QTMAN: variants seen among roughly 807,000 people sequenced by gnomAD.
QTMAN encodes the protein queuosine-tRNA mannosyltransferase, also known as tRNA-queuosine alpha-mannosyltransferase.
the QTMAN span, among the ~76,000 whole-genome samples, chr2:144,164,620 C>T: frequency 6.6e-6 from 1 of 152,080 alleles, no homozygotes; most frequent in Admixed American, 6.5e-5. Context: ...TACGCAATAA[C>T]CATTTTCCAG....
the QTMAN span, among the ~76,000 whole-genome samples, chr2:144,215,659 T>A: frequency 6.6e-6 from 1 of 152,226 alleles, no homozygotes; most frequent in Admixed American, 6.5e-5. Context: ...TTTCAAACTA[T>A]AAAAGCAGCA....
the QTMAN span, chr2:144,177,339 G>T: frequency 8.4e-6 from 5 of 594,942 alleles, no homozygotes; most frequent in Non-Finnish European, 1.2e-5. Flanking sequence ...AAAAACAATA[G>T]CCAAGTAAAC....
the QTMAN span, among the ~76,000 whole-genome samples, chr2:144,004,111 A>C: frequency 4.6e-3 from 707 of 152,136 alleles, 6 homozygotes; most frequent in African/African-American, 0.016. Flanking sequence ...CCAAGGTGAA[A>C]ATGCAACAGA....
chr2:144,245,925 G>A, the QTMAN span, among the ~76,000 whole-genome samples: 1 of 151,992 alleles, frequency 6.6e-6, no homozygotes, highest in Non-Finnish European at 1.5e-5. Flanking sequence ...TCAAACCTAG[G>A]CATTGAAATA....
the QTMAN span, among the ~76,000 whole-genome samples, chr2:144,292,730 A>G: frequency 1.3e-5 from 2 of 152,312 alleles, no homozygotes; most frequent in South Asian, 4.1e-4. Context: ...ACATGTCTAA[A>G]GGAAGCTATA....
chr2:144,284,340 T>C, the QTMAN span, among the ~76,000 whole-genome samples: 4 of 152,020 alleles, frequency 2.6e-5, no homozygotes, highest in African/African-American at 9.7e-5. Flanking sequence ...AAAAAAATCA[T>C]AAAAATCTTA....
chr2:144,171,644 T>TTGTATTTGGACATTTCAAATACA, the QTMAN span, among the ~76,000 whole-genome samples: 1 of 152,146 alleles, frequency 6.6e-6, no homozygotes, highest in Non-Finnish European at 1.5e-5. Context: ...TTGGAGGAAA[T>TTGTATTTGGACATTTCAAATACA]ATTTTTTAAC....
chr2:144,069,647 C>T, the QTMAN span, among the ~76,000 whole-genome samples: 1 of 151,892 alleles, frequency 6.6e-6, no homozygotes, highest in Admixed American at 6.6e-5. Flanking sequence ...GCCAGAGCTG[C>T]TCAAATAAAT....
chr2:144,199,799 T>C, the QTMAN span, among the ~76,000 whole-genome samples: 1 of 152,178 alleles, frequency 6.6e-6, no homozygotes, highest in Non-Finnish European at 1.5e-5. Flanking sequence ...GTTCATGACA[T>C]CATAAAACTT....
At chr2:144,295,573 A>G in the QTMAN span, among the ~76,000 whole-genome samples, 2 of 152,182 alleles carry the variant, frequency 1.3e-5, no homozygotes, top group Admixed American at 1.3e-4. Context: ...GATGAGAACA[A>G]TAAGAAAACA....
At chr2:144,172,348 CG>C in the QTMAN span, among the ~76,000 whole-genome samples, 2 of 151,974 alleles carry the variant, frequency 1.3e-5, no homozygotes, top group African/African-American at 4.8e-5. Flanking sequence ...GGGCCAGGCA[CG>C]GAAGTTCACA....
At chr2:144,188,369 T>G in the QTMAN span, among the ~76,000 whole-genome samples, 1 of 152,216 alleles carries the variant, frequency 6.6e-6, no homozygotes, top group East Asian at 1.9e-4. Flanking sequence ...CTACCACTAA[T>G]TTCCCCTTTG....
At chr2:144,270,859 T>G in the QTMAN span, among the ~76,000 whole-genome samples, 1 of 152,198 alleles carries the variant, frequency 6.6e-6, no homozygotes, top group South Asian at 2.1e-4. Context: ...CAAGAAAAGA[T>G]AATAACACTT....
At chr2:144,182,874 TA>T in the QTMAN span, among the ~76,000 whole-genome samples, 11 of 76,482 alleles carry the variant, frequency 1.4e-4, no homozygotes, top group South Asian at 1.5e-3. Flanking sequence ...ATATATATAT[TA>T]TATATATATT....
the QTMAN span, among the ~76,000 whole-genome samples, chr2:144,149,252 G>C: frequency 6.6e-6 from 1 of 152,000 alleles, no homozygotes; most frequent in East Asian, 1.9e-4. Context: ...AGGACACAAG[G>C]TGATAGCAAA....
the QTMAN span, among the ~76,000 whole-genome samples, chr2:144,140,165 T>C: frequency 6.6e-6 from 1 of 152,210 alleles, no homozygotes; most frequent in South Asian, 2.1e-4. Context: ...GGCTAAGACC[T>C]TGCTTATGAA....
the QTMAN span, among the ~76,000 whole-genome samples, chr2:144,222,444 T>C: frequency 6.6e-6 from 1 of 152,178 alleles, no homozygotes; most frequent in African/African-American, 2.4e-5. Flanking sequence ...AGGGGAAATA[T>C]TTAATTAAGG....
the QTMAN span, among the ~76,000 whole-genome samples, chr2:144,089,534 G>A: frequency 2.0e-5 from 3 of 151,894 alleles, no homozygotes; most frequent in Admixed American, 2.0e-4. Flanking sequence ...AAGATACGGA[G>A]TCAACTTAAG....
At chr2:144,045,806 G>A in the QTMAN span, among the ~76,000 whole-genome samples, 1 of 152,228 alleles carries the variant, frequency 6.6e-6, no homozygotes, top group African/African-American at 2.4e-5. Flanking sequence ...AGGAGGTCAA[G>A]GCTGGAAACA....
Sources: allele counts gnomAD v4.1 joint callset (sites outside exome capture counted in the v4.1 genomes callset), GRCh38; gene constraint gnomAD v4.1.1; transcripts MANE v1.5; gene names NCBI Gene and HGNC (gene_info 2026-07-23, HGNC 2026-07-21).